Variants in ZNF225 observed in about 807,000 individuals in gnomAD.
The protein encoded by ZNF225 is zinc finger protein 225.
A neutral mutation model predicts 12.0 loss-of-function variants in ZNF225; 6 were observed. The observed-to-expected ratio is 0.50, with a 90% CI of 0.27 to 0.98. The LOEUF (loss-of-function observed/expected upper bound fraction) is 0.98, where lower values mean the gene tolerates loss of function less well. ZNF225 is among the 50% of genes least tolerant of loss of function. ZNF225 has a pLI of 0.11. For missense variants in ZNF225, 763 were observed against 848.2 expected, an observed-to-expected ratio of 0.90 and a Z score of 1.25; for synonymous variants, 271 against 283.2, an observed-to-expected ratio of 0.96 and a Z score of 0.43.
rs775353461 is a variant in ZNF225, at chr19:44,131,796, C to T, written c.1182C>T (p.His394=). The T allele has an allele frequency of 3.7e-5, 59 of 1,614,050 alleles. No homozygotes were observed. The highest frequency in any genetic ancestry group is 5.0e-5 in the Non-Finnish European group (59 of 1,180,034). The stretch of plus-strand genomic sequence containing the variant: ...GTCTTTCAAGACATGTGCGAGTCCA[C>T]AGTGGAGAGACAACATTCAAATGTG... ...ASGLSRHVRV[H]SGETTFKCEE... Residue 394 remains histidine (H), a synonymous_variant, in exon 5 of 5, where the codon CAC becomes CAT. Coordinates refer to ENST00000262894, the MANE Select transcript of ZNF225 (RefSeq NM_013362.4).
Position 44,132,067 on chromosome 19 carries a change from A to T in ZNF225, c.1453A>T (p.Lys485Ter). ...QRIHSGEKPF[K>*]CEECGKRFTQ... is the part of the protein sequence containing the mutation. ...AATCCACAGTGGAGAAAAACCATTT[A>T]AATGTGAAGAATGTGGGAAAAGATT... is the stretch of plus-strand genomic sequence containing the variant. The change falls in exon 5 of 5, where the codon AAA becomes TAA. Residue 485 changes from lysine (K) to a stop codon, truncating the protein, a stop_gained. Transcript: ENST00000262894. LOFTEE classifies it low-confidence loss of function (END_TRUNC). 1 of 1,614,028 alleles carries T rather than the reference A, an allele frequency of 6.2e-7. No individual in the cohort carries two copies. The highest frequency in any genetic ancestry group is 1.1e-5 in the South Asian group (1 of 91,074).
intron 4 of ZNF225, among the ~76,000 whole-genome samples, chr19:44,119,565 G>A (rs1404116108): frequency 6.6e-6 from 1 of 152,114 alleles, no homozygotes; most frequent in Non-Finnish European, 1.5e-5. Context: ...TGCTCACTCT[G>A]CCACTCTTCT....
At chr19:44,118,430 A>G in intron 3 of ZNF225, 52 bp from the exon 4 acceptor site, 1 of 1,611,584 alleles carries the variant, frequency 6.2e-7, no homozygotes, top group Non-Finnish European at 8.5e-7. Context: ...TTTTACTTAG[A>G]TTTTTTTCTA....
chr19:44,114,213 C>T (rs1347298246), intron 1 of ZNF225: 2 of 1,010,100 alleles, frequency 2.0e-6, no homozygotes, highest in Non-Finnish European at 3.1e-6. Context: ...CAAAGCTCTA[C>T]GTGAGTGATC....
intron 4 of ZNF225, among the ~76,000 whole-genome samples, chr19:44,125,597 C>G (rs149953051): frequency 0.013 from 1,963 of 152,304 alleles, 29 homozygotes; most frequent in African/African-American, 0.044. Context: ...CAAGGCTGGG[C>G]AAGTTTTCCT....
rs1312388609 is a variant in ZNF225 at position 44,131,637 on chromosome 19, GA to G, written c.1026del (p.Lys342AsnfsTer23). 1 of 1,613,974 alleles carries G rather than the reference GA, an allele frequency of 6.2e-7. No individual in the cohort carries two copies. Among genetic ancestry groups the G allele is most frequent in the African/African-American group, 1.3e-5 (1 of 74,940 alleles). The part of the protein sequence containing the change: ...NSHRMVHTGE[K>X]RYKCEECGKR... The stretch of plus-strand genomic sequence containing the variant: ...GTCATCGCATGGTCCACACAGGAGA[GA>G]AACGGTACAAATGTGAGGAATGTGG... On this transcript the variant is annotated frameshift_variant, in exon 5 of 5. Transcript: ENST00000262894. LOFTEE classifies it low-confidence loss of function (END_TRUNC).
At position 44,115,740 on chromosome 19, in the gene ZNF225, C is replaced by T; in HGVS notation, c.-68-20C>T. 2 of 1,353,452 alleles carry T rather than the reference C, an allele frequency of 1.5e-6. No individual in the cohort carries two copies. The highest frequency in any genetic ancestry group is 2.0e-6 in the Non-Finnish European group (2 of 984,248). 83.8% of individuals were successfully genotyped at this position (1,353,452 alleles called of 1,614,324 possible). ...CCACACTTTCATGTCTCTTTTTCTG[C>T]CTTCCCTGGTACTTTCCAGGCAGGA... is the stretch of plus-strand genomic sequence containing the variant. On this transcript the variant is annotated intron_variant, in intron 1 of 4. Transcript: ENST00000262894.
chr19:44,122,717 T>C, intron 4 of ZNF225, among the ~76,000 whole-genome samples: 2 of 152,210 alleles, frequency 1.3e-5, no homozygotes, highest in East Asian at 3.9e-4. Flanking sequence ...TTTTGACTCC[T>C]TGGTTAGGTG....
chr19:44,131,779 A>G lies in ZNF225; in HGVS notation c.1165A>G (p.Arg389Gly). 6.2e-7 allele frequency: 1 copy of G among 1,614,242 alleles called. No homozygotes were observed. ...CTTCAGATGGGCCTCAGGTCTTTCA[A>G]GACATGTGCGAGTCCACAGTGGAGA... ...KSFRWASGLS[R>G]HVRVHSGETT... Residue 389 changes from arginine (R) to glycine (G), a missense_variant, in exon 5 of 5, where the codon AGA (arginine) becomes GGA (glycine). Coordinates refer to ENST00000262894, the MANE Select transcript of ZNF225 (RefSeq NM_013362.4).
rs78711018 is a variant in ZNF225, at chr19:44,131,240, G to A, written c.626G>A (p.Cys209Tyr). Residue 209 changes from cysteine to tyrosine, a missense_variant, in exon 5 of 5, where the codon TGT becomes TAT. Physicochemically the swap from Cys to Tyr is radical, Grantham distance 194. Coordinates refer to ENST00000262894, the MANE Select transcript of ZNF225 (RefSeq NM_013362.4). ...MGEKLYNCDV[C>Y]GKEFNQSSHL... is the part of the protein sequence containing the mutation. Reference sequence around the variant, plus strand: ...GAGAAACTCTATAATTGTGATGTGTGTGGTAAGGAATTCAATCAGAGCTCA... The same window carrying A: ...GAGAAACTCTATAATTGTGATGTGTATGGTAAGGAATTCAATCAGAGCTCA... 2 of 1,614,220 alleles carry A rather than the reference G, an allele frequency of 1.2e-6. No individual in the cohort carries two copies. The highest frequency in any genetic ancestry group is 1.7e-5 in the Admixed American group (1 of 60,032).
In ZNF225 at chr19:44,132,202, C is replaced by CA; in HGVS notation, c.1589dup (p.His530GlnfsTer14). On this transcript the variant is annotated frameshift_variant, in exon 5 of 5. Transcript: ENST00000262894. LOFTEE classifies it low-confidence loss of function (END_TRUNC). The stretch of plus-strand genomic sequence containing the variant: ...TACTCAGAATTCACAACTTTATTCT[C>CA]ATCGCAGAGTCCACACTGGAGTAAA... 6.2e-7 allele frequency: 1 copy of CA among 1,614,120 alleles called. No homozygotes were observed. The highest frequency in any genetic ancestry group is 1.1e-5 in the South Asian group (1 of 91,068).
intron 2 of ZNF225, among the ~76,000 whole-genome samples, chr19:44,116,509 G>A (rs192689901): frequency 1.1e-4 from 16 of 152,224 alleles, no homozygotes; most frequent in East Asian, 9.6e-4. Flanking sequence ...ATGGTAAAGG[G>A]TACCTCACAC....
At position 44,132,021 on chromosome 19, in the gene ZNF225, G is replaced by T; in HGVS notation, c.1407G>T (p.Ser469=). 2 of 1,611,086 alleles carry T rather than the reference G, an allele frequency of 1.2e-6. No homozygotes were observed. Among genetic ancestry groups the T allele is most frequent in the East Asian group, 2.2e-5 (1 of 44,600 alleles). ...GTGGGAAGAGCTTTGGCTGGGCCTC[G>T]TGTCTTTTGAATCATCAGAGAATCC... ...KECGKSFGWA[S]CLLNHQRIHS... The change falls in exon 5 of 5, where the codon TCG becomes TCT. Residue 469 remains serine (S), a synonymous_variant. Transcript: ENST00000262894.
At chr19:44,123,204 G>A (rs115165162) in intron 4 of ZNF225, among the ~76,000 whole-genome samples, 3,602 of 152,186 alleles carry the variant, frequency 0.024, 101 homozygotes, top group East Asian at 0.067. Context: ...ATCATAAAGC[G>A]TTGCTGGATT....
Position 44,131,771 on chromosome 19 carries a change from G to A in ZNF225, c.1157G>A (p.Gly386Asp), listed in dbSNP as rs199740462. ...GGAAAGAGCTTCAGATGGGCCTCAG[G>A]TCTTTCAAGACATGTGCGAGTCCAC... ...ECGKSFRWAS[G>D]LSRHVRVHSG... Residue 386 changes from glycine (G) to aspartate (D), a missense_variant, in exon 5 of 5, where the codon GGT (glycine) becomes GAT (aspartate). Physicochemically the swap from Gly to Asp is moderately conservative, Grantham distance 94. Coordinates refer to ENST00000262894, the MANE Select transcript of ZNF225 (RefSeq NM_013362.4). 197 of 1,614,022 alleles carry A rather than the reference G, an allele frequency of 1.2e-4. No individual in the cohort carries two copies. The highest frequency in any genetic ancestry group is 1.6e-4 in the Middle Eastern group (1 of 6,084).
intron 4 of ZNF225, among the ~76,000 whole-genome samples, chr19:44,122,860 T>G (rs1323390218): frequency 1.3e-5 from 2 of 152,208 alleles, no homozygotes; most frequent in African/African-American, 4.8e-5. Flanking sequence ...ATCCAGAAAC[T>G]TTGCTGAATT....
At chr19:44,129,119 A>G in intron 4 of ZNF225, 1 of 1,230,554 alleles carries the variant, frequency 8.1e-7, no homozygotes, top group Non-Finnish European at 1.0e-6. Flanking sequence ...TATTGTTCAT[A>G]TCAGTACAGA....
intron 4 of ZNF225, among the ~76,000 whole-genome samples, chr19:44,123,769 TTATG>T (rs575856214): frequency 2.1e-3 from 314 of 152,296 alleles, no homozygotes; most frequent in Middle Eastern, 0.014. Context: ...GTTTTCTAGT[TTATG>T]TGTGTAAAGG....
upstream of ZNF225, chr19:44,112,789 A>C (rs1430066572): frequency 6.6e-6 from 1 of 152,260 alleles, no homozygotes; most frequent in Non-Finnish European, 1.5e-5. Flanking sequence ...GAACAAATAC[A>C]AATTAAAACT....
Sources: gnomAD v4.1 joint callset for allele counts (sites outside exome capture counted in the v4.1 genomes callset) on GRCh38, gnomAD v4.1.1 for gene constraint, MANE v1.5 for transcripts, NCBI Gene and HGNC (gene_info 2026-07-23, HGNC 2026-07-21) for gene names.